The following KSR2 variants were observed in gnomAD, a reference collection of about 807,000 sequenced individuals.
KSR2 encodes the protein kinase suppressor of ras 2.
Under a neutral mutation model 107.8 loss-of-function variants are expected in KSR2, and 25 were observed. The ratio of observed to expected loss-of-function variants is 0.23; its 90% CI spans 0.17 to 0.32. The LOEUF is 0.32. KSR2 is among the 10% of genes least tolerant of loss of function. The pLI, the probability that KSR2 is intolerant of heterozygous loss-of-function variation, is 1.00. For missense variants in KSR2, 887 were observed against 1,268.9 expected (o/e 0.70, Z 4.57); for synonymous variants, 480 against 507.0 (o/e 0.95, Z 0.71).
In KSR2 at chr12:117,484,241, AG is replaced by A. The variant is rs1173140283; in HGVS notation, c.2450+174del. Among the ~76,000 whole-genome samples the A allele has an allele frequency of 2.0e-5, 3 of 152,308 alleles. No homozygotes were observed. In the South Asian group the frequency reaches 6.2e-4, roughly 32 times the overall value. On this transcript the variant is annotated intron_variant, in intron 16 of 19. Transcript: ENST00000339824. Reference sequence around the variant, plus strand: ...AGGTGAGCAAGGTGCTGGCCCCCCCAGGGGGAAACAGAGCAGGGCCTTGGCA... The same window carrying A: ...AGGTGAGCAAGGTGCTGGCCCCCCCAGGGGAAACAGAGCAGGGCCTTGGCA...
At chr12:117,813,445 A>T (rs571564479) in intron 3 of KSR2, among the ~76,000 whole-genome samples, 1 of 152,360 alleles carries the variant, frequency 6.6e-6, no homozygotes, top group South Asian at 2.1e-4. Flanking sequence ...TTAGCAAAAA[A>T]TAATGATAAT....
At chr12:117,953,823 C>G (rs1305874042) in intron 1 of KSR2, among the ~76,000 whole-genome samples, 2 of 152,206 alleles carry the variant, frequency 1.3e-5, no homozygotes, top group African/African-American at 4.8e-5. Context: ...CACAGTGACT[C>G]ATGCCTGTAA....
intron 14 of KSR2, among the ~76,000 whole-genome samples, chr12:117,524,373 A>G: frequency 6.6e-6 from 1 of 152,080 alleles, no homozygotes; most frequent in Non-Finnish European, 1.5e-5. Flanking sequence ...CATTAAAAAT[A>G]TTTTCTGGGG....
chr12:117,731,979 T>C (rs1449286930), intron 4 of KSR2, among the ~76,000 whole-genome samples: 2 of 148,594 alleles, frequency 1.3e-5, no homozygotes. Context: ...TCCACTATTG[T>C]CCTATGACCC....
intron 1 of KSR2, among the ~76,000 whole-genome samples, chr12:117,906,610 A>G (rs540915337): frequency 6.6e-6 from 1 of 152,002 alleles, no homozygotes; most frequent in South Asian, 2.1e-4. Flanking sequence ...CCTTCTCAAA[A>G]AAAAAAAACT....
chr12:117,789,878 C>T (rs574387565), intron 3 of KSR2, among the ~76,000 whole-genome samples: 2 of 152,226 alleles, frequency 1.3e-5, no homozygotes, highest in African/African-American at 4.8e-5. Flanking sequence ...CTCATAAAGC[C>T]TGCAAAGTAT....
intron 10 of KSR2, among the ~76,000 whole-genome samples, chr12:117,538,543 A>AT (rs1396211634): frequency 6.6e-6 from 1 of 151,798 alleles, no homozygotes; most frequent in Non-Finnish European, 1.5e-5. Context: ...AGGACCTGGG[A>AT]TTTTTTTCAT....
At chr12:117,777,472 G>C (rs932599698) in intron 3 of KSR2, among the ~76,000 whole-genome samples, 1 of 152,218 alleles carries the variant, frequency 6.6e-6, no homozygotes, top group South Asian at 2.1e-4. Flanking sequence ...AGGGCAGAAT[G>C]CTGCCCTGTT....
rs1282676341 is a variant in KSR2, at chr12:117,464,076, C to T, written c.*3123G>A. ...CAATGACTTTGGGTTTCCAGCTTGGCTCTGGGGATGGGGACACAAGGGGCA... is the reference window on the plus strand; with the variant it reads ...CAATGACTTTGGGTTTCCAGCTTGGTTCTGGGGATGGGGACACAAGGGGCA... On this transcript the variant is annotated 3_prime_UTR_variant, in exon 20 of 20. Coordinates refer to ENST00000339824, the MANE Select transcript of KSR2 (RefSeq NM_173598.6). 2 of 152,154 alleles carry T rather than the reference C, an allele frequency of 1.3e-5. No individual in the cohort carries two copies. Among genetic ancestry groups the T allele is most frequent in the Non-Finnish European group, 2.9e-5 (2 of 68,042 alleles). The allele number at this position is 152,154 out of a possible 1,614,324, so 9.4% of individuals were successfully genotyped here. A position where few individuals can be genotyped will look rare whatever the true frequency, so the allele number is the denominator to read the frequency against.
At chr12:117,536,034 C>T (rs749715856) in intron 10 of KSR2, among the ~76,000 whole-genome samples, 17 of 152,042 alleles carry the variant, frequency 1.1e-4, no homozygotes, top group East Asian at 3.9e-4. Flanking sequence ...AGCACACAGT[C>T]ACAAATACCA....
intron 3 of KSR2, among the ~76,000 whole-genome samples, chr12:117,793,472 C>T (rs572332958): frequency 6.8e-6 from 1 of 147,718 alleles, no homozygotes; most frequent in African/African-American, 2.5e-5. Context: ...CATACACCAA[C>T]ATGCACACTC....
intron 7 of KSR2, among the ~76,000 whole-genome samples, chr12:117,561,665 C>T (rs902546974): frequency 6.6e-6 from 1 of 152,174 alleles, no homozygotes; most frequent in Admixed American, 6.5e-5. Context: ...AGTCAAAATG[C>T]CCTTCTTTGA....
intron 5 of KSR2, among the ~76,000 whole-genome samples, chr12:117,640,752 C>G (rs1211866603): frequency 6.6e-6 from 1 of 152,150 alleles, no homozygotes; most frequent in Non-Finnish European, 1.5e-5. Context: ...AACAGCCGCC[C>G]AGAGCAATGG....
chr12:117,778,961 C>T (rs566385457), intron 3 of KSR2, among the ~76,000 whole-genome samples: 7 of 152,322 alleles, frequency 4.6e-5, no homozygotes, highest in African/African-American at 1.7e-4. Context: ...CTATTTTTAT[C>T]TCCCAACAAC....
intron 7 of KSR2, among the ~76,000 whole-genome samples, chr12:117,577,576 T>C (rs1879361444): frequency 6.6e-6 from 1 of 152,158 alleles, no homozygotes; most frequent in Admixed American, 6.5e-5. Context: ...AAAACAGGTT[T>C]AATGGACTCA....
intron 14 of KSR2, among the ~76,000 whole-genome samples, chr12:117,498,558 CA>C (rs1306361668): frequency 6.6e-6 from 1 of 152,122 alleles, no homozygotes; most frequent in Non-Finnish European, 1.5e-5. Flanking sequence ...TGGGGATAAG[CA>C]TCCTGTGTCC....
chr12:117,666,268 G>C (rs1207092209), intron 5 of KSR2, among the ~76,000 whole-genome samples: 1 of 152,170 alleles, frequency 6.6e-6, no homozygotes, highest in South Asian at 2.1e-4. Context: ...TAACCATCTA[G>C]CGGGATGTTG....
chr12:117,666,464 T>G (rs776730101), intron 5 of KSR2, among the ~76,000 whole-genome samples: 13 of 152,188 alleles, frequency 8.5e-5, no homozygotes, highest in Non-Finnish European at 1.8e-4. Flanking sequence ...AGAACCAAAT[T>G]CAAATCCCAG....
intron 9 of KSR2, among the ~76,000 whole-genome samples, chr12:117,552,353 C>T (rs538526483): frequency 2.8e-4 from 43 of 152,288 alleles, no homozygotes; most frequent in African/African-American, 8.4e-4. Context: ...AATCCGTGGA[C>T]GCTTCCCACT....
Sources: allele counts gnomAD v4.1 joint callset (sites outside exome capture counted in the v4.1 genomes callset), GRCh38; gene constraint gnomAD v4.1.1; transcripts MANE v1.5; gene names NCBI Gene and HGNC (gene_info 2026-07-23, HGNC 2026-07-21).